Variants in HOMER2 observed in about 807,000 individuals in gnomAD.
HOMER2 encodes the protein homer protein homolog 2.
Under a neutral mutation model 47.0 loss-of-function variants are expected in HOMER2, and 27 were observed. That is an observed-to-expected ratio of 0.57 (90% confidence interval 0.42 to 0.79). HOMER2 has a LOEUF of 0.79. HOMER2 is among the 30% of genes least tolerant of loss of function. The pLI, the probability that HOMER2 is intolerant of heterozygous loss-of-function variation, is 0.00. For missense variants in HOMER2, 443 were observed against 435.0 expected (o/e 1.02, Z -0.16); for synonymous variants, 161 against 163.8 (o/e 0.98, Z 0.13).
intron 1 of HOMER2, among the ~76,000 whole-genome samples, chr15:82,912,062 A>G (rs2053468729): frequency 6.6e-6 from 1 of 152,206 alleles, no homozygotes; most frequent in South Asian, 2.1e-4. Flanking sequence ...AATTTCACAT[A>G]AAAAATGAAT....
intron 1 of HOMER2, among the ~76,000 whole-genome samples, chr15:82,973,039 C>T (rs2030063459): frequency 1.3e-5 from 2 of 152,182 alleles, no homozygotes; most frequent in South Asian, 4.1e-4. Context: ...TCTACTCCAG[C>T]TTCAGGAATA....
chr15:82,884,749 T>C (rs2052597637), intron 2 of HOMER2, among the ~76,000 whole-genome samples: 1 of 66,692 alleles, frequency 1.5e-5, no homozygotes, highest in Non-Finnish European at 2.6e-5. Context: ...TTTTGTATCC[T>C]GAGACTTTGC....
chr15:82,931,050 C>G (rs1376841892), intron 1 of HOMER2, among the ~76,000 whole-genome samples: 3 of 151,636 alleles, frequency 2.0e-5, no homozygotes, highest in Admixed American at 2.0e-4. Flanking sequence ...CCATACAGAG[C>G]CAAGATCTAG....
chr15:82,973,956 C>T (rs1364434512), intron 1 of HOMER2, among the ~76,000 whole-genome samples: 3 of 152,132 alleles, frequency 2.0e-5, no homozygotes, highest in Admixed American at 6.6e-5. Flanking sequence ...ATCCCAGCTA[C>T]TCGGGAGGCT....
At chr15:82,878,932 A>G (rs1347646713) in intron 2 of HOMER2, among the ~76,000 whole-genome samples, 1 of 152,086 alleles carries the variant, frequency 6.6e-6, no homozygotes, top group Non-Finnish European at 1.5e-5. Context: ...GGCCATGCAC[A>G]ATATTTTTTA....
At chr15:82,839,250 C>G (rs182636093) in exon 2 of HOMER2, 2 of 152,346 alleles carry the variant, frequency 1.3e-5, no homozygotes, top group East Asian at 3.9e-4. Flanking sequence ...TGTGTGGGCC[C>G]TACTGAGGCA....
chr15:82,915,428 G>A lies in HOMER2; in HGVS notation c.6-22587C>T, dbSNP rs182549502. 1.5e-4 allele frequency among the ~76,000 whole-genome samples: 23 copies of A among 152,296 alleles called. No individual in the cohort carries two copies. In the East Asian group the frequency reaches 4.4e-3, roughly 29 times the overall value. On this transcript the variant is annotated intron_variant, in intron 1 of 8. Transcript: ENST00000450735. ...ATCACACATCCAAAGTCTCAGAACT[G>A]CCAGGTACAGTGGCTCATGCCTGTA...
intron 7 of HOMER2, among the ~76,000 whole-genome samples, chr15:82,851,880 A>T (rs1307378904): frequency 7.2e-5 from 11 of 152,254 alleles, no homozygotes; most frequent in Admixed American, 5.9e-4. Flanking sequence ...TGACAAACGC[A>T]TCTGAGTGTC....
At chr15:82,954,464 T>TTG (rs1014631147), upstream of HOMER2, among the ~76,000 whole-genome samples, 6 of 150,480 alleles carry the variant, frequency 4.0e-5, no homozygotes, top group African/African-American at 7.3e-5. Context: ...CGCCCAGTTT[T>TTG]TTTTTTTTTT....
chr15:82,898,210 G>A (rs1438372586), intron 1 of HOMER2, among the ~76,000 whole-genome samples: 3 of 152,192 alleles, frequency 2.0e-5, no homozygotes, highest in Non-Finnish European at 2.9e-5. Flanking sequence ...CCCTGACTTT[G>A]AAAGAGTCTT....
Position 82,849,534 on chromosome 15 carries a change from C to T in HOMER2, c.*181G>A. The T allele has an allele frequency of 1.7e-6, 1 of 597,776 alleles. No homozygotes were observed. The highest frequency in any genetic ancestry group is 2.9e-6 in the Non-Finnish European group (1 of 340,844). The allele number at this position is 597,776 out of a possible 1,614,324, so 37.0% of individuals were successfully genotyped here. On this transcript the variant is annotated 3_prime_UTR_variant, in exon 9 of 9. Coordinates refer to ENST00000450735, the MANE Select transcript of HOMER2 (RefSeq NM_004839.4). ...CCAGTTGTCCACAACCTCACAAGGC[C>T]AGAGAAGCGAGAGGAGATTTCTATT... is the stretch of plus-strand genomic sequence containing the variant.
chr15:82,933,001 C>T (rs2054053624), intron 1 of HOMER2, among the ~76,000 whole-genome samples: 1 of 152,032 alleles, frequency 6.6e-6, no homozygotes, highest in African/African-American at 2.4e-5. Flanking sequence ...TACAGGGGGG[C>T]GGCTCTCTCC....
intron 3 of HOMER2, among the ~76,000 whole-genome samples, chr15:82,868,523 T>TTTTATATATA (rs1453193520): frequency 3.8e-4 from 14 of 36,630 alleles, no homozygotes; most frequent in East Asian, 3.0e-3. Context: ...CTTATTTATT[T>TTTTATATATA]TATATATATA....
chr15:82,855,153 G>A (rs1214955856), intron 5 of HOMER2, among the ~76,000 whole-genome samples: 1 of 151,808 alleles, frequency 6.6e-6, no homozygotes, highest in African/African-American at 2.4e-5. Flanking sequence ...TGGCCAACAT[G>A]GTGAAAACCT....
Position 82,868,543 on chromosome 15 carries a change from T to TATATATATATA in HOMER2, c.295-4285_295-4284insTATATATATAT, listed in dbSNP as rs1567023464. On this transcript the variant is annotated intron_variant, in intron 3 of 8. Coordinates refer to ENST00000450735, the MANE Select transcript of HOMER2 (RefSeq NM_004839.4). ...TTATTTTATATATATATATATATAT[T>TATATATATATA]TTTTTTTTTTTTTTTCCCCTTTTGA... Among the ~76,000 whole-genome samples the TATATATATATA allele has an allele frequency of 9.7e-3, 358 of 36,760 alleles. 2 individuals carry two copies. Among genetic ancestry groups the TATATATATATA allele is most frequent in the East Asian group, 0.049 (75 of 1,546 alleles). 24.1% of individuals were successfully genotyped at this position (36,760 alleles called of 152,430 possible). A position where few individuals can be genotyped will look rare whatever the true frequency, so the allele number is the denominator to read the frequency against.
At chr15:82,875,143 T>C in intron 3 of HOMER2, 130 bp downstream of exon 3, 1 of 1,071,780 alleles carries the variant, frequency 9.3e-7, no homozygotes, top group South Asian at 1.6e-5. Flanking sequence ...AGCCCCGTGA[T>C]GCCAGGAGGA....
intron 1 of HOMER2, 143 bp from the exon 2 acceptor site, chr15:82,892,984 CAA>C (rs1328585779): frequency 3.2e-6 from 2 of 622,780 alleles, no homozygotes; most frequent in African/African-American, 1.9e-5. Context: ...AAAATAAAAG[CAA>C]AGAGAGAAGA....
At chr15:82,911,006 GT>G (rs2053438659) in intron 1 of HOMER2, among the ~76,000 whole-genome samples, 1 of 152,172 alleles carries the variant, frequency 6.6e-6, no homozygotes, top group Non-Finnish European at 1.5e-5. Flanking sequence ...TCAAGGGTTT[GT>G]TAAGATTAAA....
At chr15:82,866,847 T>C (rs2051984983) in intron 3 of HOMER2, among the ~76,000 whole-genome samples, 1 of 152,204 alleles carries the variant, frequency 6.6e-6, no homozygotes, top group Non-Finnish European at 1.5e-5. Flanking sequence ...AATAAGCCTG[T>C]TTCTTTTGTA....
Sources: gnomAD v4.1 joint callset for allele counts (sites outside exome capture counted in the v4.1 genomes callset) on GRCh38, gnomAD v4.1.1 for gene constraint, MANE v1.5 for transcripts, NCBI Gene and HGNC (gene_info 2026-07-23, HGNC 2026-07-21) for gene names.